BICRAL: variants seen among roughly 807,000 people sequenced by gnomAD.
BICRAL encodes the protein BICRA like chromatin remodeling complex associated protein, also known as BRD4-interacting chromatin-remodeling complex-associated protein-like.
In BICRAL, 8 loss-of-function variants were observed where a neutral mutation model predicts 91.8. That is an observed-to-expected ratio of 0.09 (90% CI 0.05 to 0.16). The LOEUF is 0.16. Ranked by LOEUF, BICRAL falls within the 10% of genes least tolerant of loss-of-function variation. The probability of loss-of-function intolerance (pLI) is 1.00; values close to 1 mark genes in which losing one functional copy is unlikely to be tolerated. For missense variants in BICRAL, 1,038 were observed against 1,310.9 expected, an observed-to-expected ratio of 0.79 and a Z score of 3.21; for synonymous variants, 445 against 491.1, an observed-to-expected ratio of 0.91 and a Z score of 1.24.
intron 1 of BICRAL, among the ~76,000 whole-genome samples, chr6:42,760,200 C>T (rs990224512): frequency 1.7e-4 from 25 of 151,470 alleles, no homozygotes; most frequent in Admixed American, 1.4e-3. Context: ...GCTGAGGTTG[C>T]GGTGAGCTGA....
chr6:42,808,672 G>T (rs1318292514), intron 1 of BICRAL, among the ~76,000 whole-genome samples: 1 of 152,050 alleles, frequency 6.6e-6, no homozygotes, highest in Non-Finnish European at 1.5e-5. Flanking sequence ...CAGCTGAAGG[G>T]TGTGTGTGGG....
chr6:42,856,560 G>T (rs1029030488), intron 9 of BICRAL, among the ~76,000 whole-genome samples: 4 of 151,492 alleles, frequency 2.6e-5, no homozygotes, highest in Non-Finnish European at 5.9e-5. Flanking sequence ...TTTTTGTAGA[G>T]ACAGAGTTTC....
intron 2 of BICRAL, among the ~76,000 whole-genome samples, chr6:42,811,904 A>G (rs991718959): frequency 3.9e-5 from 6 of 152,206 alleles, no homozygotes; most frequent in Middle Eastern, 3.2e-3. Context: ...TTGCCTCACT[A>G]TAGGGCAAAA....
At chr6:42,802,267 AAAG>A (rs1366120777) in intron 1 of BICRAL, among the ~76,000 whole-genome samples, 1 of 149,822 alleles carries the variant, frequency 6.7e-6, no homozygotes, top group Non-Finnish European at 1.5e-5. Context: ...AGAAAAAGAA[AAAG>A]AAAAAAAATA....
chr6:42,788,777 G>A (rs1341373425), intron 1 of BICRAL, among the ~76,000 whole-genome samples: 1 of 152,214 alleles, frequency 6.6e-6, no homozygotes, highest in African/African-American at 2.4e-5. Flanking sequence ...AACAGGACAA[G>A]GAACTGAGTA....
intron 6 of BICRAL, among the ~76,000 whole-genome samples, chr6:42,837,989 T>G (rs932430252): frequency 6.6e-6 from 1 of 152,238 alleles, no homozygotes; most frequent in Non-Finnish European, 1.5e-5. Flanking sequence ...CATTTCTGTT[T>G]TGCAGTATTT....
intron 1 of BICRAL, among the ~76,000 whole-genome samples, chr6:42,804,640 A>G (rs1399784425): frequency 6.6e-6 from 1 of 152,206 alleles, no homozygotes; most frequent in East Asian, 1.9e-4. Context: ...TGGGGACATC[A>G]AGTGGTCAAG....
At chr6:42,817,009 A>G (rs1384335641) in intron 2 of BICRAL, among the ~76,000 whole-genome samples, 4 of 125,268 alleles carry the variant, frequency 3.2e-5, no homozygotes, top group African/African-American at 6.2e-5. Context: ...GCGAGACTCC[A>G]TCTCAAAAAA....
Position 42,862,582 on chromosome 6 carries a change from C to G in BICRAL, c.2422C>G (p.Arg808Gly). The stretch of plus-strand genomic sequence containing the variant: ...CCAGGAGGAAAGAGCTTCCCTGTCC[C>G]GAGACAAGCGTTTGGCACTTGTAGA... Reference protein sequence around the residue: ...FNQEERASLSRDKRLALVDPE... With the variant: ...FNQEERASLSGDKRLALVDPE... The change falls in exon 12 of 13, where the codon CGA (arginine) becomes GGA (glycine). Residue 808 changes from arginine (R) to glycine (G), a missense_variant. This residue lies in a region of BICRAL where 294 missense variants were observed against 292.6 expected (regional missense o/e 1.00). Transcript: ENST00000314073. 1 of 1,609,062 alleles carries G rather than the reference C, an allele frequency of 6.2e-7. No individual in the cohort carries two copies. The highest frequency in any genetic ancestry group is 8.5e-7 in the Non-Finnish European group (1 of 1,175,612).
At chr6:42,793,362 C>A (rs1582823032) in intron 1 of BICRAL, among the ~76,000 whole-genome samples, 1 of 127,384 alleles carries the variant, frequency 7.9e-6, no homozygotes, top group African/African-American at 3.1e-5. Flanking sequence ...CTGTGTTAGC[C>A]AGGATGGTCT....
intron 8 of BICRAL, 95 bp downstream of exon 8, chr6:42,853,833 T>C (rs929191393): frequency 1.8e-5 from 16 of 892,628 alleles, no homozygotes; most frequent in Non-Finnish European, 2.7e-5. Context: ...TAGCTTTGTG[T>C]GCACAGTCCA....
At chr6:42,772,340 G>C (rs189983626) in intron 1 of BICRAL, among the ~76,000 whole-genome samples, 2 of 152,120 alleles carry the variant, frequency 1.3e-5, no homozygotes, top group African/African-American at 2.4e-5. Flanking sequence ...GTTAGGCGAC[G>C]GGAGAAGGCT....
At position 42,800,107 on chromosome 6, in the gene BICRAL, C is replaced by T. The variant is rs542491060; in HGVS notation, c.-101-10199C>T. On this transcript the variant is annotated intron_variant, in intron 1 of 12. Coordinates refer to ENST00000314073, the MANE Select transcript of BICRAL (RefSeq NM_001393499.1). The stretch of plus-strand genomic sequence containing the variant: ...TAAAATGCAGTCTCACTCTGTCACC[C>T]AGGCTGGAATGCAATGGCACAATCT... Among the ~76,000 whole-genome samples, 241 of 152,144 alleles carry T rather than the reference C, an allele frequency of 1.6e-3. 1 individual carries two copies. Among genetic ancestry groups the T allele is most frequent in the African/African-American group, 5.5e-3 (227 of 41,528 alleles).
chr6:42,792,914 A>G (rs953666988), intron 1 of BICRAL, among the ~76,000 whole-genome samples: 2 of 151,634 alleles, frequency 1.3e-5, no homozygotes, highest in South Asian at 4.2e-4. Context: ...ACTCTGTCAC[A>G]AAGAAAAAGA....
intron 7 of BICRAL, among the ~76,000 whole-genome samples, chr6:42,853,274 A>G (rs1765252592): frequency 6.6e-6 from 1 of 151,714 alleles, no homozygotes; most frequent in Non-Finnish European, 1.5e-5. Flanking sequence ...AAGCTTGAAT[A>G]TTCCCAGTCA....
intron 1 of BICRAL, among the ~76,000 whole-genome samples, chr6:42,799,579 C>G (rs1763508395): frequency 6.6e-6 from 1 of 152,152 alleles, no homozygotes; most frequent in East Asian, 1.9e-4. Context: ...CAGGCGTGAG[C>G]CACTGCACCC....
intron 2 of BICRAL, among the ~76,000 whole-genome samples, chr6:42,817,552 T>C (rs974545720): frequency 2.0e-5 from 3 of 151,770 alleles, no homozygotes; most frequent in Admixed American, 1.3e-4. Flanking sequence ...CATAGCTCAC[T>C]GCAGCCTTGA....
Position 42,864,837 on chromosome 6 carries a change from G to T in BICRAL, c.2631G>T (p.Gln877His). The change falls in exon 13 of 13, where the codon CAG becomes CAT. Residue 877 changes from glutamine to histidine, a missense_variant. Gln to His is a conservative substitution (Grantham distance 24). This residue lies in a region of BICRAL where 294 missense variants were observed against 292.6 expected (regional missense o/e 1.00). Transcript: ENST00000314073. ...TGVTEPMNHD[Q>H]FHLVPNHIVV... is the part of the protein sequence containing the mutation. ...TGACGGAACCCATGAATCATGACCAGTTTCATCTAGTGCCTAATCACATCG... is the reference window on the plus strand; with the variant it reads ...TGACGGAACCCATGAATCATGACCATTTTCATCTAGTGCCTAATCACATCG... The T allele has an allele frequency of 6.2e-7, 1 of 1,614,194 alleles. No homozygotes were observed. The highest frequency in any genetic ancestry group is 8.5e-7 in the Non-Finnish European group (1 of 1,180,034).
rs746031599 is a variant in BICRAL, at chr6:42,864,691, A to G, written c.2485A>G (p.Lys829Glu). The G allele has an allele frequency of 6.2e-7, 1 of 1,613,918 alleles. No homozygotes were observed. Among genetic ancestry groups the G allele is most frequent in the East Asian group, 2.2e-5 (1 of 44,878 alleles). Residue 829 changes from lysine (K) to glutamate (E), a missense_variant, in exon 13 of 13, where the codon AAA (lysine) becomes GAA (glutamate). Physicochemically the swap from Lys to Glu is moderately conservative, Grantham distance 56. Transcript: ENST00000314073. Reference sequence around the variant, plus strand: ...TCAGGCTGATTTCTGTTGTTCCTTCAAACTTGATAAAGCTGCTCATGAGAC... The same window carrying G: ...TCAGGCTGATTTCTGTTGTTCCTTCGAACTTGATAAAGCTGCTCATGAGAC... ...GFQADFCCSFKLDKAAHETQF... is the reference protein window; with the variant it reads ...GFQADFCCSFELDKAAHETQF...
Sources: allele counts gnomAD v4.1 joint callset (sites outside exome capture counted in the v4.1 genomes callset), GRCh38; gene constraint gnomAD v4.1.1; regional missense constraint gnomAD v4.1.1; transcripts MANE v1.5; gene names NCBI Gene and HGNC (gene_info 2026-07-23, HGNC 2026-07-21).